GRM5: variants seen among roughly 807,000 people sequenced by gnomAD.
GRM5 encodes metabotropic glutamate receptor 5.
GRM5 carries 19 observed loss-of-function variants against 83.1 expected under a neutral mutation model. The observed-to-expected ratio is 0.23, with a 90% CI of 0.16 to 0.34. The LOEUF is 0.34. Among genes scored for constraint, GRM5 ranks in the 10% least tolerant of loss-of-function variants. The pLI is 1.00. For missense variants in GRM5, 1,160 were observed against 1,588.3 expected, an observed-to-expected ratio of 0.73 and a Z score of 4.58; for synonymous variants, 675 against 633.6, an observed-to-expected ratio of 1.07 and a Z score of -0.98.
chr11:88,755,233 C>T (rs2135431883), intron 3 of GRM5, among the ~76,000 whole-genome samples: 1 of 152,278 alleles, frequency 6.6e-6, no homozygotes, highest in South Asian at 2.1e-4. Flanking sequence ...TTGTAACTAG[C>T]TTCTCCCAAT....
intron 3 of GRM5, among the ~76,000 whole-genome samples, chr11:88,781,241 GA>G (rs1422926229): frequency 6.6e-6 from 1 of 151,678 alleles, no homozygotes; most frequent in African/African-American, 2.4e-5. Flanking sequence ...AAGGGAAAGA[GA>G]AAATTCAACA....
At chr11:88,896,337 A>G (rs984662176) in intron 2 of GRM5, among the ~76,000 whole-genome samples, 1 of 151,944 alleles carries the variant, frequency 6.6e-6, no homozygotes, top group African/African-American at 2.4e-5. Context: ...GATAACAACA[A>G]AGATTTCCAA....
intron 2 of GRM5, among the ~76,000 whole-genome samples, chr11:89,021,788 T>A (rs1207215572): frequency 6.6e-6 from 1 of 152,202 alleles, no homozygotes; most frequent in East Asian, 1.9e-4. Flanking sequence ...TATGATGGGG[T>A]TATAACGTCT....
At chr11:88,882,972 G>A (rs531942476) in intron 2 of GRM5, among the ~76,000 whole-genome samples, 62 of 152,222 alleles carry the variant, frequency 4.1e-4, no homozygotes, top group African/African-American at 1.3e-3. Flanking sequence ...CTGCCAACAC[G>A]TAAGACATGA....
chr11:88,640,094 G>A (rs139188338), intron 4 of GRM5, among the ~76,000 whole-genome samples: 80 of 152,184 alleles, frequency 5.3e-4, no homozygotes, highest in Non-Finnish European at 9.6e-4. Flanking sequence ...TGACTCCAAC[G>A]TGGACAAACT....
chr11:88,608,742 G>A (rs188744853), intron 4 of GRM5, among the ~76,000 whole-genome samples: 2 of 151,834 alleles, frequency 1.3e-5, no homozygotes, highest in Non-Finnish European at 2.9e-5. Flanking sequence ...GGATGGTCTC[G>A]ATCTCCTGAC....
At chr11:88,904,689 T>C (rs1945373755) in intron 2 of GRM5, among the ~76,000 whole-genome samples, 1 of 152,214 alleles carries the variant, frequency 6.6e-6, no homozygotes, top group African/African-American at 2.4e-5. Context: ...ATTATATACA[T>C]ATTCCATCCT....
At chr11:88,989,501 C>A (rs1172467759) in intron 2 of GRM5, among the ~76,000 whole-genome samples, 2 of 127,774 alleles carry the variant, frequency 1.6e-5, no homozygotes, top group South Asian at 3.0e-4. Context: ...CAGCTCTGCA[C>A]CAAGCGGACC....
At chr11:88,516,578 A>G (rs777769157) in intron 9 of GRM5, among the ~76,000 whole-genome samples, 7 of 152,166 alleles carry the variant, frequency 4.6e-5, no homozygotes, top group Admixed American at 2.6e-4. Flanking sequence ...GTCTTACAGC[A>G]CCTCAGCTGA....
Position 88,509,460 on chromosome 11 carries a change from C to T in GRM5, c.2771G>A (p.Ser924Asn), listed in dbSNP as rs775772679. The T allele has an allele frequency of 8.7e-6, 14 of 1,612,516 alleles. No individual in the cohort carries two copies. The highest frequency in any genetic ancestry group is 1.1e-5 in the Non-Finnish European group (13 of 1,179,816). The change falls in exon 10 of 10, where the codon AGC becomes AAC. Residue 924 changes from serine to asparagine, a missense_variant. Ser to Asn is a conservative substitution (Grantham distance 46). Coordinates refer to ENST00000305447, the MANE Select transcript of GRM5 (RefSeq NM_001143831.3). ...GCGCTGCCACAGGTGCTGCCCCCGG[C>T]TGCTCTTCTCATTCTGGGCCCACGT... is the stretch of plus-strand genomic sequence containing the variant. Reference protein sequence around the residue: ...SVTWAQNEKSSRGQHLWQRLS... With the variant: ...SVTWAQNEKSNRGQHLWQRLS...
rs760851528 is a variant in GRM5 at position 89,047,345 on chromosome 11, G to A, written c.528C>T (p.Ser176=). 5 of 1,614,018 alleles carry A rather than the reference G, an allele frequency of 3.1e-6. No homozygotes were observed. Among genetic ancestry groups the A allele is most frequent in the South Asian group, 1.1e-5 (1 of 91,078 alleles). Residue 176 remains serine, a synonymous_variant, in exon 2 of 10, where the codon AGC becomes AGT. Transcript: ENST00000305447. The surrounding 1 kb of genome is among the most constrained non-coding windows in gnomAD (Gnocchi z 5.1). The part of the protein sequence containing the change: ...NIPQIAYSAT[S]MDLSDKTLFK... Reference sequence around the variant, plus strand: ...ACAGAGTCTTGTCACTCAGATCCATGCTGGTTGCTGAGTAAGCAATCTGAG... The same window carrying A: ...ACAGAGTCTTGTCACTCAGATCCATACTGGTTGCTGAGTAAGCAATCTGAG...
At chr11:89,055,636 G>T (rs1941856944) in intron 1 of GRM5, among the ~76,000 whole-genome samples, 1 of 151,510 alleles carries the variant, frequency 6.6e-6, no homozygotes, top group Non-Finnish European at 1.5e-5. Context: ...TTTACAACTT[G>T]GTATCAGCTC....
At chr11:88,711,782 G>A (rs943873783) in intron 3 of GRM5, among the ~76,000 whole-genome samples, 12 of 114,570 alleles carry the variant, frequency 1.0e-4, no homozygotes, top group African/African-American at 3.6e-4. Context: ...ACATTTCAAA[G>A]AATAAGGAAC....
At chr11:88,698,548 T>C (rs926995127) in intron 3 of GRM5, among the ~76,000 whole-genome samples, 5 of 152,006 alleles carry the variant, frequency 3.3e-5, no homozygotes, top group African/African-American at 1.2e-4. Flanking sequence ...AAGAAGAGAG[T>C]AGTTATTGGC....
intron 7 of GRM5, among the ~76,000 whole-genome samples, chr11:88,577,737 A>T (rs1303755673): frequency 6.6e-6 from 1 of 152,174 alleles, no homozygotes; most frequent in Non-Finnish European, 1.5e-5. Flanking sequence ...GACATAGAGA[A>T]AAGCAGAAGA....
chr11:88,892,046 T>C, intron 2 of GRM5, among the ~76,000 whole-genome samples: 1 of 152,028 alleles, frequency 6.6e-6, no homozygotes, highest in East Asian at 1.9e-4. Flanking sequence ...GTGAACAAAA[T>C]TCGGAGCAGG....
intron 3 of GRM5, among the ~76,000 whole-genome samples, chr11:88,775,645 G>T (rs1034987407): frequency 1.3e-5 from 2 of 152,218 alleles, no homozygotes; most frequent in Non-Finnish European, 2.9e-5. Context: ...TTGTGTCTTT[G>T]TTCTCATTGG....
chr11:88,867,248 G>A (rs1276428483), intron 2 of GRM5, among the ~76,000 whole-genome samples: 1 of 151,726 alleles, frequency 6.6e-6, no homozygotes, highest in Non-Finnish European at 1.5e-5. Context: ...TATGAATAAA[G>A]TCAATGGTAG....
At chr11:88,933,114 T>G (rs1937767001) in intron 2 of GRM5, among the ~76,000 whole-genome samples, 1 of 151,488 alleles carries the variant, frequency 6.6e-6, no homozygotes. Flanking sequence ...TTACTTTCTA[T>G]CTTTTAATAA....
Sources: gnomAD v4.1 joint callset for allele counts (sites outside exome capture counted in the v4.1 genomes callset) on GRCh38, gnomAD v4.1.1 for gene constraint, Gnocchi (gnomAD v3.1) non-coding constraint, MANE v1.5 for transcripts, NCBI Gene and HGNC (gene_info 2026-07-23, HGNC 2026-07-21) for gene names.